The following CTNNA3 variants were observed in gnomAD, a reference collection of about 807,000 sequenced individuals.
The protein encoded by CTNNA3 is catenin alpha-3.
In CTNNA3, 76 loss-of-function variants were observed where a neutral mutation model predicts 95.7. The ratio of observed to expected loss-of-function variants is 0.79; its 90% CI spans 0.66 to 0.96. CTNNA3 has a LOEUF of 0.96. Among genes scored for constraint, CTNNA3 ranks in the 40% least tolerant of loss-of-function variants. The pLI is 0.00. For missense variants in CTNNA3, 1,191 were observed against 1,089.8 expected, an observed-to-expected ratio of 1.09 and a Z score of -1.31; for synonymous variants, 431 against 374.4, an observed-to-expected ratio of 1.15 and a Z score of -1.74.
chr10:66,525,630 T>A (rs1385353783), intron 10 of CTNNA3, among the ~76,000 whole-genome samples: 3 of 151,064 alleles, frequency 2.0e-5, no homozygotes, highest in Admixed American at 6.6e-5. Context: ...AGAGAGAGAG[T>A]GTGTGTGTGT....
At position 67,285,954 on chromosome 10, in the gene CTNNA3, G is replaced by A. The variant is rs1383913755; in HGVS notation, c.580-66084C>T. On this transcript the variant is annotated intron_variant, in intron 5 of 17. Transcript: ENST00000433211. ...AGCATTTTTATTTTTTATAAATAGAGGATTTTAGTGCCTATTTTGGAATAG... is the reference window on the plus strand; with the variant it reads ...AGCATTTTTATTTTTTATAAATAGAAGATTTTAGTGCCTATTTTGGAATAG... Among the ~76,000 whole-genome samples the A allele has an allele frequency of 1.3e-5, 2 of 152,222 alleles. 1 individual carries two copies. The highest frequency in any genetic ancestry group is 3.9e-4 in the East Asian group (2 of 5,176).
intron 2 of CTNNA3, among the ~76,000 whole-genome samples, chr10:67,632,766 C>T (rs60206657): frequency 0.13 from 20,189 of 152,018 alleles, 2,417 homozygotes; most frequent in African/African-American, 0.32. Context: ...AAGCAGCCGT[C>T]CAGGCACACA....
chr10:67,687,720 G>T (rs1490257415), intron 1 of CTNNA3, among the ~76,000 whole-genome samples: 2 of 152,110 alleles, frequency 1.3e-5, no homozygotes, highest in African/African-American at 4.8e-5. Context: ...GAGTGGGTCG[G>T]GTGACAGGAG....
intron 3 of CTNNA3, among the ~76,000 whole-genome samples, chr10:67,585,988 T>G (rs1488927522): frequency 1.3e-5 from 2 of 152,174 alleles, no homozygotes; most frequent in Non-Finnish European, 2.9e-5. Flanking sequence ...TCAGCACTGC[T>G]TTTTCTGTAT....
chr10:65,992,293 G>T (rs2078561908), intron 15 of CTNNA3, among the ~76,000 whole-genome samples: 2 of 152,004 alleles, frequency 1.3e-5, no homozygotes, highest in South Asian at 2.1e-4. Flanking sequence ...CTCCTCTTCA[G>T]TTTTGTGGAA....
chr10:67,391,156 C>G (rs1844459993), intron 5 of CTNNA3, among the ~76,000 whole-genome samples: 1 of 152,128 alleles, frequency 6.6e-6, no homozygotes, highest in East Asian at 1.9e-4. Flanking sequence ...TCTAGAAACC[C>G]CATTGTCTCA....
At chr10:67,321,752 A>G (rs73266255) in intron 5 of CTNNA3, among the ~76,000 whole-genome samples, 1 of 152,082 alleles carries the variant, frequency 6.6e-6, no homozygotes, top group Non-Finnish European at 1.5e-5. Context: ...TCAAACTCAC[A>G]TATACAACTT....
chr10:66,151,583 T>C (rs990777618), intron 13 of CTNNA3, among the ~76,000 whole-genome samples: 1 of 151,908 alleles, frequency 6.6e-6, no homozygotes, highest in Non-Finnish European at 1.5e-5. Context: ...CACTTACAAA[T>C]CTTTGGATTT....
intron 7 of CTNNA3, among the ~76,000 whole-genome samples, chr10:66,956,725 A>G (rs1848809785): frequency 6.6e-6 from 1 of 152,094 alleles, no homozygotes; most frequent in Non-Finnish European, 1.5e-5. Context: ...AAGCATCTGT[A>G]TTTTTCCAAA....
At position 66,733,611 on chromosome 10, in the gene CTNNA3, C is replaced by T. The variant is rs143487270; in HGVS notation, c.1281+32653G>A. Among the ~76,000 whole-genome samples the T allele has an allele frequency of 3.2e-3, 487 of 151,348 alleles. 3 individuals are homozygous for T. Among genetic ancestry groups the T allele is most frequent in the African/African-American group, 0.011 (462 of 41,372 alleles). ...CAAAAGATTGAAACAAATTATACTC[C>T]ATCTAAAAAAAATGCTTACTTAACC... On this transcript the variant is annotated intron_variant, in intron 9 of 17. Transcript: ENST00000433211.
chr10:66,239,643 A>C (rs537103111), intron 13 of CTNNA3, among the ~76,000 whole-genome samples: 1 of 151,998 alleles, frequency 6.6e-6, no homozygotes, highest in African/African-American at 2.4e-5. Context: ...TGAGGTGGAC[A>C]TATTTCATAT....
intron 9 of CTNNA3, among the ~76,000 whole-genome samples, chr10:66,656,389 T>A (rs1015625483): frequency 6.6e-6 from 1 of 152,138 alleles, no homozygotes; most frequent in Non-Finnish European, 1.5e-5. Flanking sequence ...TGCAATGAAG[T>A]AGATTTCATC....
At chr10:67,416,595 G>C (rs1278710680) in intron 5 of CTNNA3, among the ~76,000 whole-genome samples, 1 of 117,694 alleles carries the variant, frequency 8.5e-6, no homozygotes, top group Non-Finnish European at 1.6e-5. Context: ...GCGACAGAGA[G>C]AGACTCTGTC....
intron 9 of CTNNA3, among the ~76,000 whole-genome samples, chr10:66,712,177 T>C (rs1848316773): frequency 6.6e-6 from 1 of 152,156 alleles, no homozygotes; most frequent in South Asian, 2.1e-4. Flanking sequence ...AGGATGGTGC[T>C]AAGTTCTCTG....
intron 5 of CTNNA3, among the ~76,000 whole-genome samples, chr10:67,406,592 T>C (rs1294405193): frequency 6.6e-6 from 1 of 151,416 alleles, no homozygotes; most frequent in Non-Finnish European, 1.5e-5. Context: ...CTAAAGGAGA[T>C]AGAAACATGA....
intron 15 of CTNNA3, among the ~76,000 whole-genome samples, chr10:66,035,889 T>C (rs540326679): frequency 7.7e-4 from 117 of 152,264 alleles, no homozygotes; most frequent in African/African-American, 2.7e-3. Flanking sequence ...ACAGAAGTTT[T>C]CTAAGGAGAA....
At chr10:66,312,821 A>G (rs1054931237) in intron 12 of CTNNA3, among the ~76,000 whole-genome samples, 4 of 152,160 alleles carry the variant, frequency 2.6e-5, no homozygotes, top group African/African-American at 9.7e-5. Flanking sequence ...CTGGGATTAC[A>G]GGCGTGAGCT....
chr10:66,828,547 G>C (rs1417093946), intron 7 of CTNNA3, among the ~76,000 whole-genome samples: 3 of 152,070 alleles, frequency 2.0e-5, no homozygotes, highest in African/African-American at 7.2e-5. Flanking sequence ...CTTGCCACGT[G>C]GTTATTAAGA....
chr10:66,101,720 A>G (rs2081639843), intron 14 of CTNNA3, among the ~76,000 whole-genome samples: 1 of 152,174 alleles, frequency 6.6e-6, no homozygotes, highest in African/African-American at 2.4e-5. Flanking sequence ...TAAACAAACA[A>G]AATATTTTAC....
Sources: gnomAD v4.1 joint callset for allele counts (sites outside exome capture counted in the v4.1 genomes callset) on GRCh38, gnomAD v4.1.1 for gene constraint, MANE v1.5 for transcripts, NCBI Gene and HGNC (gene_info 2026-07-23, HGNC 2026-07-21) for gene names.